FAM169A: variants seen among roughly 807,000 people sequenced by gnomAD.
The protein encoded by FAM169A is family with sequence similarity 169 member A.
A neutral mutation model predicts 75.7 loss-of-function variants in FAM169A; 24 were observed. That is an observed-to-expected ratio of 0.32 (90% CI 0.23 to 0.45). FAM169A has a LOEUF of 0.45. Among genes scored for constraint, FAM169A ranks in the 20% least tolerant of loss-of-function variants. The probability of loss-of-function intolerance (pLI) is 1.00; values close to 1 mark genes in which losing one functional copy is unlikely to be tolerated. For missense variants in FAM169A, 673 were observed against 784.0 expected (o/e 0.86, Z 1.69); for synonymous variants, 271 against 271.0 (o/e 1.00, Z 0.00).
intron 6 of FAM169A, among the ~76,000 whole-genome samples, chr5:74,811,875 A>G (rs1747212125): frequency 6.6e-6 from 1 of 152,260 alleles, no homozygotes; most frequent in South Asian, 2.1e-4. Context: ...TTCATACAGT[A>G]TGTATTTATA....
At chr5:74,841,442 A>C (rs979504112) in intron 2 of FAM169A, 103 bp downstream of exon 2, 23 of 919,096 alleles carry the variant, frequency 2.5e-5, no homozygotes, top group Non-Finnish European at 3.3e-5. Context: ...AGATTTCAAA[A>C]ATTAATGATT....
At position 74,790,700 on chromosome 5, in the gene FAM169A, G is replaced by T. The variant is rs116587129; in HGVS notation, c.1260+5330C>A. On this transcript the variant is annotated intron_variant, in intron 11 of 12. Transcript: ENST00000687041. Reference sequence around the variant, plus strand: ...ATGAACAAAGTGGCCATGGTGACAGGGATGGTGGTTACGCATGGGCTCAGC... The same window carrying T: ...ATGAACAAAGTGGCCATGGTGACAGTGATGGTGGTTACGCATGGGCTCAGC... Among the ~76,000 whole-genome samples, 160 of 152,272 alleles carry T rather than the reference G, an allele frequency of 1.1e-3. 1 individual carries two copies. The highest frequency in any genetic ancestry group is 3.7e-3 in the African/African-American group (154 of 41,558).
chr5:74,852,400 T>C (rs534255049), intron 1 of FAM169A, among the ~76,000 whole-genome samples: 1 of 152,278 alleles, frequency 6.6e-6, no homozygotes, highest in East Asian at 1.9e-4. Context: ...TTACCTCTCA[T>C]TGGCAGCAGG....
rs190467776 is a variant in FAM169A, at chr5:74,840,815, C to T, written c.133-642G>A. On this transcript the variant is annotated intron_variant, in intron 2 of 12. Coordinates refer to ENST00000687041, the MANE Select transcript of FAM169A (RefSeq NM_001376049.1). ...ATGCACTCCAACCTGGGCGACAGAC[C>T]GAGACTCCATCTCAAAAAAAAAACA... Among the ~76,000 whole-genome samples the T allele has an allele frequency of 5.4e-5, 8 of 148,234 alleles. No homozygotes were observed. The East Asian group carries it at 1.2e-3, about 22-fold the overall frequency.
In FAM169A at chr5:74,844,881, G is replaced by T. The variant is rs546310749; in HGVS notation, c.-3-3202C>A. On this transcript the variant is annotated intron_variant, in intron 1 of 12. Transcript: ENST00000687041. The stretch of plus-strand genomic sequence containing the variant: ...AAATACTAAGCTATTAGTTCTTAAA[G>T]GAAGTATAAAGTTAGTATAGAATAT... Among the ~76,000 whole-genome samples the T allele has an allele frequency of 2.0e-5, 3 of 152,138 alleles. 1 individual carries two copies. Among genetic ancestry groups the T allele is most frequent in the Admixed American group, 2.0e-4 (3 of 15,266 alleles).
At chr5:74,796,289 G>T (rs1580088351) in intron 10 of FAM169A, 103 bp from the exon 11 acceptor site, 1 of 1,011,862 alleles carries the variant, frequency 9.9e-7, no homozygotes, top group Non-Finnish European at 1.4e-6. Context: ...CAACTATGTT[G>T]TCAACAACTT....
intron 1 of FAM169A, among the ~76,000 whole-genome samples, chr5:74,850,259 C>T (rs1358719852): frequency 3.3e-5 from 5 of 152,288 alleles, no homozygotes; most frequent in African/African-American, 7.2e-5. Context: ...ACCCGGCAGT[C>T]GGACTCCGAT....
chr5:74,805,524 CTTTTTTT>C lies in FAM169A; in HGVS notation c.671-247_671-241del, dbSNP rs1194674402. Among the ~76,000 whole-genome samples, 263 of 81,938 alleles carry C rather than the reference CTTTTTTT, an allele frequency of 3.2e-3. 1 individual carries two copies. The highest frequency in any genetic ancestry group is 0.013 in the African/African-American group (249 of 18,448). The allele number at this position is 81,938 out of a possible 152,430, so 53.8% of individuals were successfully genotyped here. On this transcript the variant is annotated intron_variant, in intron 6 of 12. Coordinates refer to ENST00000687041, the MANE Select transcript of FAM169A (RefSeq NM_001376049.1). ...AAAAATCCTTTAAAAATGTGCTTCG[CTTTTTTT>C]TTTTTTTTTTTTTTTTGGAGATGGA... is the stretch of plus-strand genomic sequence containing the variant.
At chr5:74,848,346 T>C (rs1749263780) in intron 1 of FAM169A, among the ~76,000 whole-genome samples, 1 of 152,102 alleles carries the variant, frequency 6.6e-6, no homozygotes, top group African/African-American at 2.4e-5. Context: ...GTTTTGGAGT[T>C]CAAGAGACTT....
At chr5:74,790,705 G>A (rs1167361950) in intron 11 of FAM169A, among the ~76,000 whole-genome samples, 1 of 152,182 alleles carries the variant, frequency 6.6e-6, no homozygotes, top group African/African-American at 2.4e-5. Flanking sequence ...GACAGGGATG[G>A]TGGTTACGCA....
intron 1 of FAM169A, among the ~76,000 whole-genome samples, chr5:74,861,618 G>A (rs1435746512): frequency 1.3e-5 from 2 of 152,102 alleles, no homozygotes; most frequent in African/African-American, 4.8e-5. Flanking sequence ...GGGAAGCTGA[G>A]GAAGGAGAAT....
intron 1 of FAM169A, chr5:74,865,722 G>A (rs1472494181): frequency 6.6e-6 from 1 of 152,450 alleles, no homozygotes; most frequent in Non-Finnish European, 1.5e-5. Context: ...CGGGTGAACC[G>A]AGTCTAAACG....
chr5:74,831,480 C>A (rs1748308067), intron 5 of FAM169A, among the ~76,000 whole-genome samples: 1 of 152,008 alleles, frequency 6.6e-6, no homozygotes, highest in African/African-American at 2.4e-5. Context: ...GATTGAATAA[C>A]CCTTACCCAA....
intron 6 of FAM169A, among the ~76,000 whole-genome samples, chr5:74,812,442 A>C (rs1173798062): frequency 6.7e-6 from 1 of 149,422 alleles, no homozygotes; most frequent in Non-Finnish European, 1.5e-5. Context: ...CTTACTTTTT[A>C]AACTTTTTTT....
intron 1 of FAM169A, among the ~76,000 whole-genome samples, chr5:74,853,216 A>T (rs907867591): frequency 6.6e-6 from 1 of 152,220 alleles, no homozygotes; most frequent in African/African-American, 2.4e-5. Flanking sequence ...AATTTACAAA[A>T]GGATAATAAC....
At position 74,798,479 on chromosome 5, in the gene FAM169A, T is replaced by A. The variant is rs1746391800; in HGVS notation, c.1104-2293A>T. Among the ~76,000 whole-genome samples, 11 of 152,336 alleles carry A rather than the reference T, an allele frequency of 7.2e-5. No individual in the cohort carries two copies. In the South Asian group the frequency reaches 2.1e-3, roughly 29 times the overall value. On this transcript the variant is annotated intron_variant, in intron 10 of 12. Transcript: ENST00000687041. ...TTTATTACTAGATTTAAATATTTCC[T>A]TATATCTATCTTTAACATTACAAAT...
chr5:74,799,546 T>G, intron 10 of FAM169A: 1 of 1,530,880 alleles, frequency 6.5e-7, no homozygotes. Flanking sequence ...CAGCATGCCC[T>G]GGGACAGCAA....
chr5:74,805,524 CTTTTTTTT>C (rs1194674402), intron 6 of FAM169A, among the ~76,000 whole-genome samples: 6 of 81,934 alleles, frequency 7.3e-5, no homozygotes, highest in Admixed American at 3.5e-4. Context: ...ATGTGCTTCG[CTTTTTTTT>C]TTTTTTTTTT....
intron 1 of FAM169A, among the ~76,000 whole-genome samples, chr5:74,852,930 A>G (rs1749516708): frequency 6.6e-6 from 1 of 152,206 alleles, no homozygotes; most frequent in African/African-American, 2.4e-5. Context: ...AGGTGCTGCT[A>G]TGGTAAGTAC....
Sources: allele counts gnomAD v4.1 joint callset (sites outside exome capture counted in the v4.1 genomes callset), GRCh38; gene constraint gnomAD v4.1.1; transcripts MANE v1.5; gene names NCBI Gene and HGNC (gene_info 2026-07-23, HGNC 2026-07-21).